The following GDF5 variants were observed in gnomAD, a reference collection of about 807,000 sequenced individuals.
GDF5 encodes growth/differentiation factor 5.
In GDF5, 17 loss-of-function variants were observed where a neutral mutation model predicts 34.6. The observed-to-expected ratio is 0.49, with a 90% CI of 0.34 to 0.74. GDF5 has a LOEUF of 0.74. Ranked by LOEUF, GDF5 falls within the 30% of genes least tolerant of loss-of-function variation. The pLI is 0.01. For synonymous variants in GDF5, 332 were observed against 290.7 expected (o/e 1.14, Z -1.44); for missense variants, 616 against 661.2 (o/e 0.93, Z 0.75).
rs1338475680 is a variant in GDF5, at chr20:35,434,642, C to A, written c.773G>T (p.Gly258Val). ...GGACAGCTTCAGCTGGGCAGCCCGC[C>A]CGCCTCCGGGGGCCGCTGGCTTGGC... ...DTAKPAAPGG[G>V]RAAQLKLSSC... The change falls in exon 2 of 2, where the codon GGG (glycine) becomes GTG (valine). Residue 258 changes from glycine to valine, a missense_variant. Coordinates refer to ENST00000374369, the MANE Select transcript of GDF5 (RefSeq NM_000557.5). 7.5e-6 allele frequency: 12 copies of A among 1,608,482 alleles called. No homozygotes were observed. The Admixed American group carries it at 1.0e-4, about 13-fold the overall frequency.
rs773091017 is a variant in GDF5, at chr20:35,437,305, T to A, written c.624A>T (p.Lys208Asn). The A allele has an allele frequency of 7.5e-6, 12 of 1,601,840 alleles. No individual in the cohort carries two copies. In the East Asian group the frequency reaches 2.5e-4, roughly 33 times the overall value. ...LANTITSFID[K>N]GQDDRGPVVR... The stretch of plus-strand genomic sequence containing the variant: ...GCCACCCCGCCCCCTCACCTTGCCC[T>A]TTGTCAATAAAGCTGGTGATGGTGT... Residue 208 changes from lysine (K) to asparagine (N), a missense_variant, in exon 1 of 2, where the codon AAA becomes AAT. Lys to Asn is a moderately conservative substitution (Grantham distance 94). Coordinates refer to ENST00000374369, the MANE Select transcript of GDF5 (RefSeq NM_000557.5).
In GDF5 at chr20:35,434,464, T is replaced by C; in HGVS notation, c.951A>G (p.Glu317=). ...CACGGAGGTCCACGGCCCTGCCCCG[T>C]TCCCAGGCCTCCAGCTCCAGGCACA... is the stretch of plus-strand genomic sequence containing the variant. ...AQLCLELEAW[E]RGRAVDLRGL... is the part of the protein sequence containing the mutation. The change falls in exon 2 of 2, where the codon GAA becomes GAG. Residue 317 remains glutamate (E), a synonymous_variant. Coordinates refer to ENST00000374369, the MANE Select transcript of GDF5 (RefSeq NM_000557.5). 6.2e-7 allele frequency: 1 copy of C among 1,612,532 alleles called. No homozygotes were observed. Among genetic ancestry groups the C allele is most frequent in the Non-Finnish European group, 8.5e-7 (1 of 1,179,270 alleles).
intron 1 of GDF5, among the ~76,000 whole-genome samples, chr20:35,448,707 G>C (rs1422867091): frequency 6.6e-6 from 1 of 152,064 alleles, no homozygotes; most frequent in Non-Finnish European, 1.5e-5. Flanking sequence ...ACCTCCCAAA[G>C]TGCTGGGATT....
chr20:35,438,629 C>A (rs537846563), upstream of GDF5, among the ~76,000 whole-genome samples: 1 of 152,192 alleles, frequency 6.6e-6, no homozygotes, highest in Non-Finnish European at 1.5e-5. Context: ...TCCCCCTCCA[C>A]AGGGCAGACT....
At chr20:35,439,908 C>CTTTTTTT (rs34397706), upstream of GDF5, among the ~76,000 whole-genome samples, 9 of 71,634 alleles carry the variant, frequency 1.3e-4, 1 homozygote, top group African/African-American at 3.3e-4. Flanking sequence ...AGGCTTCCTT[C>CTTTTTTT]TTTTTTTTTT....
In GDF5 at chr20:35,449,501, C is replaced by G. The variant is rs546914922; in HGVS notation, c.-398+5139G>C. ...TAGTGGCCTGATGCTGTGTAGCCAG[C>G]TGCTCCCTCTTTATAGAATTTACTA... is the stretch of plus-strand genomic sequence containing the variant. On this transcript the variant is annotated intron_variant, in intron 1 of 3. Transcript: ENST00000374372. 5.3e-5 allele frequency among the ~76,000 whole-genome samples: 8 copies of G among 152,284 alleles called. No individual in the cohort carries two copies. The South Asian group carries it at 1.7e-3, about 32-fold the overall frequency.
At chr20:35,448,843 T>C (rs1315015805) in intron 1 of GDF5, among the ~76,000 whole-genome samples, 3 of 152,170 alleles carry the variant, frequency 2.0e-5, no homozygotes, top group Non-Finnish European at 4.4e-5. Context: ...AAAGATGTCA[T>C]CCACTTCAAG....
At chr20:35,441,459 T>G (rs2062497678), upstream of GDF5, 1 of 151,688 alleles carries the variant, frequency 6.6e-6, no homozygotes, top group African/African-American at 2.4e-5. Flanking sequence ...GATAGCTTTT[T>G]TTTTTTTTTT....
intron 1 of GDF5, 24 bp from the exon 2 acceptor site, chr20:35,434,807 T>C: frequency 6.2e-7 from 1 of 1,612,672 alleles, no homozygotes; most frequent in Non-Finnish European, 8.5e-7. Flanking sequence ...CCAGAAGTCA[T>C]TCCCTGCAAC....
At chr20:35,450,469 G>A (rs2062527601) in intron 1 of GDF5, among the ~76,000 whole-genome samples, 1 of 151,894 alleles carries the variant, frequency 6.6e-6, no homozygotes, top group Non-Finnish European at 1.5e-5. Flanking sequence ...CACTCAACAT[G>A]TCTCCATGTT....
At chr20:35,445,679 A>T (rs1465365571) in intron 1 of GDF5, among the ~76,000 whole-genome samples, 1 of 151,320 alleles carries the variant, frequency 6.6e-6, no homozygotes, top group Non-Finnish European at 1.5e-5. Flanking sequence ...ACAAAAAAAT[A>T]AAAAAATAGG....
upstream of GDF5, among the ~76,000 whole-genome samples, chr20:35,440,137 G>A (rs559720868): frequency 2.0e-5 from 3 of 151,124 alleles, no homozygotes; most frequent in East Asian, 3.9e-4. Flanking sequence ...GTCTGGTCTC[G>A]AGCTCCTGAC....
At chr20:35,452,686 T>G (rs561082872) in intron 1 of GDF5, among the ~76,000 whole-genome samples, 2 of 151,586 alleles carry the variant, frequency 1.3e-5, no homozygotes, top group Non-Finnish European at 1.5e-5. Context: ...CCTCCCAAAG[T>G]GCTGGGATTA....
In GDF5 at chr20:35,433,791, C is replaced by T. The variant is rs970475939; in HGVS notation, c.*118G>A. 1 of 889,824 alleles carries T rather than the reference C, an allele frequency of 1.1e-6. No homozygotes were observed. The highest frequency in any genetic ancestry group is 1.3e-5 in the South Asian group (1 of 76,070). The allele number at this position is 889,824 out of a possible 1,614,324, so 55.1% of individuals were successfully genotyped here. ...AGAGCGAGCAAGCTTATTGGAATCC[C>T]CTTTCACCCAAGCTGTGTAGATGCT... On this transcript the variant is annotated 3_prime_UTR_variant, in exon 2 of 2. Transcript: ENST00000374369.
At chr20:35,451,048 A>ATATATAT (rs1403286330) in intron 1 of GDF5, among the ~76,000 whole-genome samples, 1 of 4,626 alleles carries the variant, frequency 2.2e-4, no homozygotes, top group African/African-American at 1.2e-3. Flanking sequence ...AACAGAAAAA[A>ATATATAT]AAAAAAAAAA....
rs562796602 is a variant in GDF5 at position 35,436,735 on chromosome 20, C to T, written c.631+563G>A. On this transcript the variant is annotated intron_variant, in intron 1 of 1. Coordinates refer to ENST00000374369, the MANE Select transcript of GDF5 (RefSeq NM_000557.5). ...GAGACCCCAAGTGAGAAGGAGCTTT[C>T]CCAAGGTCATACTGCGAGTTAGGCC... 2.0e-5 allele frequency among the ~76,000 whole-genome samples: 3 copies of T among 152,246 alleles called. No individual in the cohort carries two copies. The South Asian group carries it at 6.2e-4, about 32-fold the overall frequency.
At chr20:35,445,691 TG>T (rs2062511571) in intron 1 of GDF5, among the ~76,000 whole-genome samples, 1 of 149,052 alleles carries the variant, frequency 6.7e-6, no homozygotes, top group South Asian at 2.1e-4. Flanking sequence ...AAAAATAGGC[TG>T]GGCATGGTGG....
intron 1 of GDF5, among the ~76,000 whole-genome samples, chr20:35,445,947 C>T (rs903951527): frequency 1.3e-5 from 2 of 150,704 alleles, no homozygotes; most frequent in African/African-American, 4.9e-5. Context: ...CCAGCGTGGG[C>T]AACAAGAGCA....
chr20:35,446,048 C>T (rs564782689), intron 1 of GDF5, among the ~76,000 whole-genome samples: 2 of 151,714 alleles, frequency 1.3e-5, no homozygotes, highest in East Asian at 3.9e-4. Flanking sequence ...TGGCTCACAC[C>T]TGTAATCCCA....
Sources: gnomAD v4.1 joint callset for allele counts (sites outside exome capture counted in the v4.1 genomes callset) on GRCh38, gnomAD v4.1.1 for gene constraint, MANE v1.5 for transcripts, NCBI Gene and HGNC (gene_info 2026-07-23, HGNC 2026-07-21) for gene names.